EXOC3L4: variants seen among roughly 807,000 people sequenced by gnomAD.
EXOC3L4 encodes exocyst complex component 3 like 4.
Under a neutral mutation model 69.7 loss-of-function variants are expected in EXOC3L4, and 62 were observed. The observed-to-expected ratio is 0.89, with a 90% confidence interval of 0.72 to 1.10. The LOEUF (loss-of-function observed/expected upper bound fraction) is 1.10. Ranked by LOEUF, EXOC3L4 falls within the 50% of genes least tolerant of loss-of-function variation. The pLI, the probability that EXOC3L4 is intolerant of heterozygous loss-of-function variation, is 0.00. For missense variants in EXOC3L4, 1,087 were observed against 1,034.8 expected, an observed-to-expected ratio of 1.05 and a Z score of -0.69; for synonymous variants, 502 against 464.2, an observed-to-expected ratio of 1.08 and a Z score of -1.05.
At chr14:103,104,903 G>A in intron 6 of EXOC3L4, 65 bp downstream of exon 6, 1 of 1,555,258 alleles carries the variant, frequency 6.4e-7, no homozygotes, top group East Asian at 2.3e-5. Flanking sequence ...GGAGGGAGGA[G>A]TCTGCGTAGG....
Position 103,097,473 on chromosome 14 carries a change from TGGAGGGG to T in EXOC3L4, c.-17+2638_-17+2644del, listed in dbSNP as rs1337720680. Among the ~76,000 whole-genome samples, 1 of 149,472 alleles carries T rather than the reference TGGAGGGG, an allele frequency of 6.7e-6. No individual in the cohort carries two copies. Among genetic ancestry groups the T allele is most frequent in the Non-Finnish European group, 1.5e-5 (1 of 67,354 alleles). ...CAGGCCAGGCGAGAGCCTTGGGAGG[TGGAGGGG>T]GGAGTTGAGAGGGGCCTTCAGGTCT... On this transcript the variant is annotated intron_variant, in intron 1 of 11. Transcript: ENST00000688303. This position sits in a 1 kb window ranked among gnomAD's most constrained non-coding sequence, Gnocchi z 4.9.
rs1391527138 is a variant in EXOC3L4, at chr14:103,102,717, C to T, written c.994C>T (p.Arg332Cys). Residue 332 changes from arginine to cysteine, a missense_variant, in exon 3 of 12, where the codon CGC becomes TGC. Physicochemically the swap from Arg to Cys is radical, Grantham distance 180. Transcript: ENST00000688303. The stretch of plus-strand genomic sequence containing the variant: ...CCTCCAGGAGCTCGCGCGCGACGCC[C>T]GCGGCTGCGAGCAGCTCTATATCCT... ...QRLQELARDA[R>C]GCEQLYILLD... is the part of the protein sequence containing the mutation. 2.1e-6 allele frequency: 3 copies of T among 1,455,774 alleles called. No homozygotes were observed. The African/African-American group carries it at 4.4e-5, about 21-fold the overall frequency. 90.2% of individuals were successfully genotyped at this position (1,455,774 alleles called of 1,614,324 possible). A position where few individuals can be genotyped will look rare whatever the true frequency, so the allele number is the denominator to read the frequency against.
chr14:103,102,161 G>A lies in EXOC3L4; in HGVS notation c.438G>A (p.Leu146=). The change falls in exon 3 of 12, where the codon CTG becomes CTA. Residue 146 remains leucine, a synonymous_variant. Coordinates refer to ENST00000688303, the MANE Select transcript of EXOC3L4 (RefSeq NM_001077594.2). ...VADLITERQL[L]AAFEQLLRLE... ...ACCTCATTACTGAACGGCAACTGCT[G>A]GCGGCCTTCGAACAGCTTCTGCGCC... 3 of 1,605,222 alleles carry A rather than the reference G, an allele frequency of 1.9e-6. No individual in the cohort carries two copies. The highest frequency in any genetic ancestry group is 2.3e-5 in the East Asian group (1 of 44,276).
intron 7 of EXOC3L4, among the ~76,000 whole-genome samples, 181 bp downstream of exon 7, chr14:103,105,253 G>A (rs1239779337): frequency 6.6e-6 from 1 of 151,620 alleles, no homozygotes; most frequent in Non-Finnish European, 1.5e-5. Flanking sequence ...GTGTAGCAGA[G>A]TTGGGGGGTG....
At chr14:103,094,905 G>T in intron 1 of EXOC3L4, 65 bp downstream of exon 1, 1 of 152,748 alleles carries the variant, frequency 6.5e-6, no homozygotes, top group Non-Finnish European at 1.5e-5. Flanking sequence ...GGACCATTCC[G>T]GCTCTGCGTG....
intron 1 of EXOC3L4, among the ~76,000 whole-genome samples, chr14:103,096,626 C>T (rs775827180): frequency 4.6e-5 from 7 of 152,250 alleles, no homozygotes; most frequent in African/African-American, 1.2e-4. Context: ...CCTGATTGGT[C>T]GGGTGTGAGC....
intron 7 of EXOC3L4, among the ~76,000 whole-genome samples, chr14:103,105,818 G>A (rs925185236): frequency 6.6e-6 from 1 of 152,168 alleles, no homozygotes; most frequent in East Asian, 1.9e-4. Context: ...TCCCCATCTG[G>A]GTTTATCCTT....
intron 3 of EXOC3L4, 144 bp from the exon 4 acceptor site, chr14:103,103,797 C>CGCGCGCGT (rs763940116): frequency 1.2e-4 from 53 of 433,726 alleles, no homozygotes; most frequent in African/African-American, 1.0e-3. Context: ...GGCGCGCGCG[C>CGCGCGCGT]GTGTGTGTGT....
At chr14:103,096,989 T>C (rs1287121598) in intron 1 of EXOC3L4, among the ~76,000 whole-genome samples, 1 of 152,040 alleles carries the variant, frequency 6.6e-6, no homozygotes, top group Admixed American at 6.5e-5. Context: ...TTTGGAGCGT[T>C]GAGGAGTGGA....
At position 103,103,953 on chromosome 14, in the gene EXOC3L4, G is replaced by C; in HGVS notation, c.1062G>C (p.Leu354=). Residue 354 remains leucine, a synonymous_variant, in exon 4 of 12, where the codon CTG becomes CTC. Coordinates refer to ENST00000688303, the MANE Select transcript of EXOC3L4 (RefSeq NM_001077594.2). ...CCCTGTCTTCCAGTCCTGACTTCCT[G>C]GGCGCCCCGGGGCTGGCGCTGCCCG... ...AANVYGSPDF[L]GAPGLALPAE... The C allele has an allele frequency of 2.6e-6, 4 of 1,544,118 alleles. No homozygotes were observed. Among genetic ancestry groups the C allele is most frequent in the Non-Finnish European group, 3.5e-6 (4 of 1,150,314 alleles).
chr14:103,101,971 C>G, intron 2 of EXOC3L4, 147 bp from the exon 3 acceptor site: 1 of 864,570 alleles, frequency 1.2e-6, no homozygotes, highest in East Asian at 2.8e-5. Flanking sequence ...GCCTGTTGTT[C>G]CTGGAGCAGG....
intron 10 of EXOC3L4, 67 bp from the exon 11 acceptor site, chr14:103,108,329 C>A: frequency 6.3e-7 from 1 of 1,586,974 alleles, no homozygotes; most frequent in African/African-American, 1.3e-5. Context: ...TGACCTCGCG[C>A]TCTTGCAGGA....
chr14:103,102,499 G>T lies in EXOC3L4; in HGVS notation c.776G>T (p.Arg259Leu), dbSNP rs902650716. Residue 259 changes from arginine to leucine, a missense_variant, in exon 3 of 12, where the codon CGG becomes CTG. Arg to Leu is a moderately radical substitution (Grantham distance 102). Transcript: ENST00000688303. ...CGAAGCGCTCAGGAGCGCGTGCGGC[G>T]GCCGGGCGCGGGGTGGGCCTTCGGG... ...VRRSAQERVR[R>L]PGAGWAFGEA... 18 of 1,381,202 alleles carry T rather than the reference G, an allele frequency of 1.3e-5. No homozygotes were observed. The African/African-American group carries it at 2.6e-4, about 20-fold the overall frequency. 85.6% of individuals were successfully genotyped at this position (1,381,202 alleles called of 1,614,324 possible).
chr14:103,102,035 A>G lies in EXOC3L4; in HGVS notation c.395-83A>G. Reference sequence around the variant, plus strand: ...AGGACAGACAATCCAGCCCCGATGGATTGAGCCGTGGCCTGCAGGTCTTCG... The same window carrying G: ...AGGACAGACAATCCAGCCCCGATGGGTTGAGCCGTGGCCTGCAGGTCTTCG... On this transcript the variant is annotated intron_variant, in intron 2 of 11. Coordinates refer to ENST00000688303, the MANE Select transcript of EXOC3L4 (RefSeq NM_001077594.2). The G allele has an allele frequency of 2.8e-6, 4 of 1,407,772 alleles. No individual in the cohort carries two copies. In the South Asian group the frequency reaches 5.5e-5, roughly 19 times the overall value. 87.2% of individuals were successfully genotyped at this position (1,407,772 alleles called of 1,614,324 possible).
At position 103,107,485 on chromosome 14, in the gene EXOC3L4, T is replaced by C; in HGVS notation, c.1643T>C (p.Met548Thr). ...WLTQDWLHPL[M>T]DKVVTFAGHL... Reference sequence around the variant, plus strand: ...ACGCAGGACTGGCTGCATCCCCTCATGGACAAGGTGGTGACCTTCGCCGGT... The same window carrying C: ...ACGCAGGACTGGCTGCATCCCCTCACGGACAAGGTGGTGACCTTCGCCGGT... The change falls in exon 9 of 12, where the codon ATG (methionine) becomes ACG (threonine). Residue 548 changes from methionine to threonine, a missense_variant. Physicochemically the swap from Met to Thr is moderately conservative, Grantham distance 81. Coordinates refer to ENST00000688303, the MANE Select transcript of EXOC3L4 (RefSeq NM_001077594.2). 1.2e-6 allele frequency: 2 copies of C among 1,613,820 alleles called. No homozygotes were observed. Among genetic ancestry groups the C allele is most frequent in the Non-Finnish European group, 1.7e-6 (2 of 1,180,018 alleles).
chr14:103,102,085 C>G (rs1272601695), intron 2 of EXOC3L4, 33 bp from the exon 3 acceptor site: 1 of 1,567,182 alleles, frequency 6.4e-7, no homozygotes, highest in South Asian at 1.2e-5. Flanking sequence ...TTGGGGCGGT[C>G]CCTCTCACCG....
At chr14:103,095,318 G>T (rs1430324402) in intron 1 of EXOC3L4, among the ~76,000 whole-genome samples, 2 of 152,228 alleles carry the variant, frequency 1.3e-5, no homozygotes, top group South Asian at 2.1e-4. Context: ...TGCCTTGCGG[G>T]TCTCCTGGTC....
At chr14:103,103,005 C>CG (rs1370694224) in intron 3 of EXOC3L4, among the ~76,000 whole-genome samples, 1 of 152,196 alleles carries the variant, frequency 6.6e-6, no homozygotes, top group Admixed American at 6.5e-5. Flanking sequence ...AAAGTTTCCG[C>CG]GGGGAGGTTC....
Position 103,102,603 on chromosome 14 carries a change from C to T in EXOC3L4, c.880C>T (p.Arg294Trp), listed in dbSNP as rs570284843. ...GLVRRDLQKV[R>W]QEVQPAYAAA... is the part of the protein sequence containing the mutation. ...GGTTCGCCGCGACCTGCAGAAGGTG[C>T]GGCAGGAGGTGCAGCCCGCGTATGC... Residue 294 changes from arginine to tryptophan, a missense_variant, in exon 3 of 12, where the codon CGG (arginine) becomes TGG (tryptophan). Physicochemically the swap from Arg to Trp is moderately radical, Grantham distance 101. Coordinates refer to ENST00000688303, the MANE Select transcript of EXOC3L4 (RefSeq NM_001077594.2). 1.3e-6 allele frequency: 2 copies of T among 1,490,706 alleles called. No individual in the cohort carries two copies. The highest frequency in any genetic ancestry group is 1.5e-5 in the African/African-American group (1 of 68,812). The allele number at this position is 1,490,706 out of a possible 1,614,324, so 92.3% of individuals were successfully genotyped here.
Sources: allele counts gnomAD v4.1 joint callset (sites outside exome capture counted in the v4.1 genomes callset), GRCh38; gene constraint gnomAD v4.1.1; non-coding constraint Gnocchi (gnomAD v3.1); transcripts MANE v1.5; gene names NCBI Gene and HGNC (gene_info 2026-07-23, HGNC 2026-07-21).